The following SLC35F3 variants were observed in gnomAD, a reference collection of about 807,000 sequenced individuals.
SLC35F3 encodes solute carrier family 35 member F3, also known as putative thiamine transporter SLC35F3.
In SLC35F3, 25 loss-of-function variants were observed where a neutral mutation model predicts 49.9. The ratio of observed to expected loss-of-function variants is 0.50; its 90% CI spans 0.37 to 0.70. The LOEUF (loss-of-function observed/expected upper bound fraction) is 0.70. Ranked by LOEUF, SLC35F3 falls within the 30% of genes least tolerant of loss-of-function variation. The pLI is 0.00. For synonymous variants in SLC35F3, 275 were observed against 265.4 expected (o/e 1.04, Z -0.35); for missense variants, 525 against 639.8 (o/e 0.82, Z 1.94).
intron 2 of SLC35F3, chr1:234,215,194 GA>G (rs1248339738): frequency 6.6e-6 from 1 of 152,476 alleles, no homozygotes; most frequent in African/African-American, 2.4e-5. Flanking sequence ...AGGCCCTGGA[GA>G]GGGATTGGAA....
intron 3 of SLC35F3, among the ~76,000 whole-genome samples, chr1:234,248,051 G>A (rs1185060486): frequency 1.9e-4 from 29 of 152,194 alleles, no homozygotes; most frequent in African/African-American, 4.8e-4. Flanking sequence ...AGGTTGAATG[G>A]CTGGTCTATT....
At chr1:234,076,993 T>G (rs931870188) in intron 2 of SLC35F3, among the ~76,000 whole-genome samples, 23 of 119,382 alleles carry the variant, frequency 1.9e-4, no homozygotes, top group African/African-American at 7.0e-4. Context: ...AGAGGTTTTT[T>G]TTTTGTTTTT....
At chr1:234,292,977 A>G (rs1014066011) in intron 3 of SLC35F3, among the ~76,000 whole-genome samples, 17 of 152,238 alleles carry the variant, frequency 1.1e-4, no homozygotes, top group African/African-American at 3.9e-4. Context: ...ACAAATGAAG[A>G]AAACAACTGA....
chr1:233,905,674 C>G lies in SLC35F3; in HGVS notation c.199C>G (p.Pro67Ala), dbSNP rs752758272. The G allele has an allele frequency of 6.2e-7, 1 of 1,614,194 alleles. No homozygotes were observed. The highest frequency in any genetic ancestry group is 1.1e-5 in the South Asian group (1 of 91,088). ...SRSVEDLTSG[P>A]VGLTSIEERI... Reference sequence around the variant, plus strand: ...CTCCGTGGAGGATCTCACCAGCGGGCCGGTGGGGCTCACGTCCATCGAGGA... The same window carrying G: ...CTCCGTGGAGGATCTCACCAGCGGGGCGGTGGGGCTCACGTCCATCGAGGA... Residue 67 changes from proline to alanine, a missense_variant, in exon 2 of 8, where the codon CCG (proline) becomes GCG (alanine). Physicochemically the swap from Pro to Ala is conservative, Grantham distance 27. Transcript: ENST00000366618.
intron 2 of SLC35F3, among the ~76,000 whole-genome samples, chr1:234,012,681 A>G (rs972752085): frequency 1.3e-5 from 2 of 152,256 alleles, no homozygotes; most frequent in African/African-American, 2.4e-5. Flanking sequence ...AGTTGGAGCA[A>G]AGTGGCTGGG....
intron 2 of SLC35F3, among the ~76,000 whole-genome samples, chr1:233,909,731 C>G (rs1208474416): frequency 2.0e-5 from 3 of 152,224 alleles, no homozygotes; most frequent in Admixed American, 6.5e-5. Context: ...AGCAGTATCT[C>G]TGACCTCTGC....
At chr1:233,919,804 A>T (rs1662030607) in intron 2 of SLC35F3, among the ~76,000 whole-genome samples, 1 of 152,010 alleles carries the variant, frequency 6.6e-6, no homozygotes, top group Admixed American at 6.6e-5. Context: ...TGGTGTGGGG[A>T]TGGGGAAGCC....
In SLC35F3 at chr1:234,143,282, TCTTTTC is replaced by T. The variant is rs796365974; in HGVS notation, c.284-88134_284-88129del. On this transcript the variant is annotated intron_variant, in intron 2 of 7. Coordinates refer to ENST00000366618, the MANE Select transcript of SLC35F3 (RefSeq NM_173508.4). ...TTCTATGAGTTTGACTCTTTTCTTT[TCTTTTC>T]TTTTTTTTTTTTTTTTTGAGATAAA... 8.3e-4 allele frequency among the ~76,000 whole-genome samples: 103 copies of T among 124,224 alleles called. 1 individual carries two copies. The highest frequency in any genetic ancestry group is 3.7e-3 in the African/African-American group (95 of 25,538). 81.5% of individuals were successfully genotyped at this position (124,224 alleles called of 152,430 possible).
At chr1:234,190,030 A>G (rs1666707915) in intron 2 of SLC35F3, among the ~76,000 whole-genome samples, 2 of 152,214 alleles carry the variant, frequency 1.3e-5, no homozygotes, top group African/African-American at 4.8e-5. Context: ...AGAATTCATC[A>G]CTACCAAGCC....
At chr1:234,185,359 T>C (rs1666627885) in intron 2 of SLC35F3, among the ~76,000 whole-genome samples, 1 of 152,248 alleles carries the variant, frequency 6.6e-6, no homozygotes, top group Admixed American at 6.5e-5. Context: ...CTCAGCTCTT[T>C]GCTGGACTCT....
chr1:234,085,872 G>A (rs1252117464), intron 2 of SLC35F3, among the ~76,000 whole-genome samples: 1 of 152,066 alleles, frequency 6.6e-6, no homozygotes, highest in Non-Finnish European at 1.5e-5. Context: ...TTCTAAGCAG[G>A]GACAATTTCT....
intron 3 of SLC35F3, among the ~76,000 whole-genome samples, chr1:234,304,013 C>CCTTT (rs1668732786): frequency 1.6e-5 from 1 of 63,388 alleles, no homozygotes. Context: ...TTCCTTCCTT[C>CCTTT]CTTCCTTCCT....
intron 2 of SLC35F3, among the ~76,000 whole-genome samples, chr1:234,229,242 C>T (rs545065559): frequency 6.0e-5 from 9 of 150,516 alleles, no homozygotes; most frequent in Middle Eastern, 3.4e-3. Flanking sequence ...TTCCTTATAA[C>T]GCCTGTTAAC....
chr1:234,155,270 G>A (rs1157483670), intron 2 of SLC35F3, among the ~76,000 whole-genome samples: 2 of 152,076 alleles, frequency 1.3e-5, no homozygotes, highest in East Asian at 3.8e-4. Context: ...TTATTTGAGA[G>A]AGAAATATTA....
chr1:233,935,414 C>G (rs1662308074), intron 2 of SLC35F3, among the ~76,000 whole-genome samples: 1 of 151,992 alleles, frequency 6.6e-6, no homozygotes. Flanking sequence ...TTTCCTCCAG[C>G]AGCAATTGAC....
At chr1:233,962,547 A>G (rs1197127990) in intron 2 of SLC35F3, among the ~76,000 whole-genome samples, 1 of 152,226 alleles carries the variant, frequency 6.6e-6, no homozygotes. Flanking sequence ...TGCAGAGTTC[A>G]TAATAAAATG....
intron 2 of SLC35F3, among the ~76,000 whole-genome samples, chr1:234,205,178 C>T (rs989990589): frequency 2.0e-5 from 3 of 152,170 alleles, no homozygotes; most frequent in Non-Finnish European, 4.4e-5. Flanking sequence ...AATTTTCACT[C>T]CCATTCAGTG....
At chr1:233,958,827 C>A (rs1483388766) in intron 2 of SLC35F3, among the ~76,000 whole-genome samples, 3 of 152,190 alleles carry the variant, frequency 2.0e-5, no homozygotes, top group Non-Finnish European at 4.4e-5. Flanking sequence ...CAAACAAGTT[C>A]TTTTGACCTC....
intron 2 of SLC35F3, among the ~76,000 whole-genome samples, chr1:233,945,680 G>T (rs1484516102): frequency 6.6e-6 from 1 of 152,166 alleles, no homozygotes; most frequent in Non-Finnish European, 1.5e-5. Context: ...AATCATGGGG[G>T]CGGTTTCCCC....
Sources: allele counts gnomAD v4.1 joint callset (sites outside exome capture counted in the v4.1 genomes callset), GRCh38; gene constraint gnomAD v4.1.1; transcripts MANE v1.5; gene names NCBI Gene and HGNC (gene_info 2026-07-23, HGNC 2026-07-21).